The following IGSF10 variants were observed in gnomAD, a reference collection of about 807,000 sequenced individuals.
IGSF10 encodes the protein calvaria mechanical force protein 608.
IGSF10 carries 126 observed loss-of-function variants against 128.2 expected under a neutral mutation model. That is an observed-to-expected ratio of 0.98 (90% CI 0.85 to 1.14). The LOEUF (loss-of-function observed/expected upper bound fraction) is 1.14. IGSF10 is among the 50% of genes most tolerant of loss of function. The pLI is 0.00. For synonymous variants in IGSF10, 1,185 were observed against 1,146.2 expected (o/e 1.03, Z -0.68); for missense variants, 3,295 against 3,149.8 (o/e 1.05, Z -1.10).
the IGSF10 span, among the ~76,000 whole-genome samples, chr3:151,508,275 CAT>C: frequency 4.6e-5 from 7 of 151,858 alleles, no homozygotes; most frequent in African/African-American, 9.7e-5. Flanking sequence ...TTATGGAAAA[CAT>C]AAAATGAAAG....
chr3:151,580,294 A>G, the IGSF10 span, among the ~76,000 whole-genome samples: 85 of 152,294 alleles, frequency 5.6e-4, 3 homozygotes, highest in South Asian at 0.018. Flanking sequence ...AACAAAGAGA[A>G]TTTATTATCA....
At chr3:151,460,851 T>G in intron 1 of IGSF10, 95 bp downstream of exon 1, 1 of 733,590 alleles carries the variant, frequency 1.4e-6, no homozygotes, top group Non-Finnish European at 1.7e-6. Context: ...CAGCGCCCGC[T>G]TCTGCAGCCA....
At chr3:151,497,927 C>T in the IGSF10 span, among the ~76,000 whole-genome samples, 6 of 152,086 alleles carry the variant, frequency 3.9e-5, no homozygotes, top group African/African-American at 1.4e-4. Flanking sequence ...GTATTTTATT[C>T]CCTTTGAAGC....
chr3:151,604,839 G>GA, the IGSF10 span, among the ~76,000 whole-genome samples: 4 of 152,044 alleles, frequency 2.6e-5, no homozygotes, highest in Non-Finnish European at 4.4e-5. Flanking sequence ...ACTCCTAGCA[G>GA]AAAAACAGGA....
chr3:151,467,886 AAAAAAAG>A, the IGSF10 span, among the ~76,000 whole-genome samples: 57 of 151,958 alleles, frequency 3.8e-4, no homozygotes, highest in South Asian at 1.0e-3. Context: ...CATCTCAAAA[AAAAAAAG>A]AAAAAAGAAA....
chr3:151,497,385 T>G, the IGSF10 span, among the ~76,000 whole-genome samples: 1 of 152,216 alleles, frequency 6.6e-6, no homozygotes, highest in Non-Finnish European at 1.5e-5. Flanking sequence ...GTTTCAGCTT[T>G]CTCCATATGG....
chr3:151,515,953 C>A, the IGSF10 span, among the ~76,000 whole-genome samples: 3 of 151,894 alleles, frequency 2.0e-5, no homozygotes, highest in Admixed American at 6.6e-5. Context: ...TCCCATGCAA[C>A]AAGGCAAGAG....
intron 5 of IGSF10, 85 bp downstream of exon 5, chr3:151,453,299 C>G: frequency 9.6e-7 from 1 of 1,042,638 alleles, no homozygotes. Flanking sequence ...TCCTAAATTA[C>G]CCTGGGCTCT....
chr3:151,524,986 T>A, the IGSF10 span, among the ~76,000 whole-genome samples: 1 of 149,924 alleles, frequency 6.7e-6, no homozygotes, highest in South Asian at 2.2e-4. Context: ...GTAACAATTT[T>A]AAAAATGCAT....
At chr3:151,599,518 G>T in the IGSF10 span, among the ~76,000 whole-genome samples, 1 of 152,220 alleles carries the variant, frequency 6.6e-6, no homozygotes, top group South Asian at 2.1e-4. Flanking sequence ...GAAATCAGGG[G>T]TGGAAAATTA....
At chr3:151,594,650 A>G in the IGSF10 span, among the ~76,000 whole-genome samples, 1 of 148,108 alleles carries the variant, frequency 6.8e-6, no homozygotes, top group Admixed American at 6.7e-5. Context: ...ATCAACTCTT[A>G]GAATGTATGA....
At chr3:151,587,281 C>T in the IGSF10 span, among the ~76,000 whole-genome samples, 1 of 152,144 alleles carries the variant, frequency 6.6e-6, no homozygotes, top group South Asian at 2.1e-4. Context: ...TCTCCTAACA[C>T]AGAGAATTCA....
Position 151,447,679 on chromosome 3 carries a change from T to C in IGSF10, c.2302A>G (p.Met768Val), listed in dbSNP as rs376321994. Residue 768 changes from methionine to valine, a missense_variant, in exon 6 of 8, where the codon ATG (methionine) becomes GTG (valine). Coordinates refer to ENST00000282466, the MANE Select transcript of IGSF10 (RefSeq NM_178822.5). The part of the protein sequence containing the change: ...ALLEKAKKNA[M>V]PDKRENTTVS... ...GTGGTATTTTCTCGCTTGTCTGGCA[T>C]AGCATTCTTTTTAGCTTTCTCCAAC... 6.2e-7 allele frequency: 1 copy of C among 1,614,074 alleles called. No individual in the cohort carries two copies. The highest frequency in any genetic ancestry group is 8.5e-7 in the Non-Finnish European group (1 of 1,180,050).
At chr3:151,479,035 T>C in the IGSF10 span, among the ~76,000 whole-genome samples, 1 of 152,182 alleles carries the variant, frequency 6.6e-6, no homozygotes, top group Non-Finnish European at 1.5e-5. Flanking sequence ...AAGCCTTATT[T>C]TTCTGCTAAG....
rs751845547 is a variant in IGSF10, at chr3:151,448,228, CTG to C, written c.1751_1752del (p.Thr584SerfsTer5). The C allele has an allele frequency of 3.4e-5, 55 of 1,614,210 alleles. No individual in the cohort carries two copies. In the East Asian group the frequency reaches 1.1e-3, roughly 33 times the overall value. ...AGATCAAGTGTTTCACCAATGAAAA[CTG>C]TGTGATGAATCCCATTTTCCTGATA... The part of the protein sequence containing the change: ...EAYQENGIHH[T>X]VFIGETLDLP... On this transcript the variant is annotated frameshift_variant, in exon 6 of 8. Coordinates refer to ENST00000282466, the MANE Select transcript of IGSF10 (RefSeq NM_178822.5). LOFTEE classifies it high-confidence loss of function.
intron 7 of IGSF10, among the ~76,000 whole-genome samples, chr3:151,440,942 C>T (rs769017110): frequency 4.6e-5 from 7 of 152,178 alleles, no homozygotes; most frequent in Non-Finnish European, 8.8e-5. Flanking sequence ...CAATAGGTCT[C>T]GCCAAGGATG....
chr3:151,437,488 T>G lies in IGSF10; in HGVS notation c.7073A>C (p.Asn2358Thr), dbSNP rs1162252138. The G allele has an allele frequency of 2.5e-6, 4 of 1,614,184 alleles. No homozygotes were observed. Among genetic ancestry groups the G allele is most frequent in the East Asian group, 2.2e-5 (1 of 44,886 alleles). ...TGGTGGGTTACCATCAACAGAGCAA[T>G]TCAATGCTGTGGACTTTCCCAGCTG... ...VAQLGKSTALNCSVDGNPPPE... is the reference protein window; with the variant it reads ...VAQLGKSTALTCSVDGNPPPE... The change falls in exon 8 of 8, where the codon AAT becomes ACT. Residue 2358 changes from asparagine (N) to threonine (T), a missense_variant. Coordinates refer to ENST00000282466, the MANE Select transcript of IGSF10 (RefSeq NM_178822.5).
chr3:151,532,841 A>C, the IGSF10 span, among the ~76,000 whole-genome samples: 1 of 152,216 alleles, frequency 6.6e-6, no homozygotes, highest in Non-Finnish European at 1.5e-5. Context: ...GGCAAGAGGA[A>C]GAAATAAAGG....
At chr3:151,468,086 C>CA in the IGSF10 span, among the ~76,000 whole-genome samples, 2 of 152,162 alleles carry the variant, frequency 1.3e-5, no homozygotes, top group Non-Finnish European at 2.9e-5. Context: ...TAAAGTACGG[C>CA]AAGGAGTATT....
Sources: allele counts gnomAD v4.1 joint callset (sites outside exome capture counted in the v4.1 genomes callset), GRCh38; gene constraint gnomAD v4.1.1; transcripts MANE v1.5; gene names NCBI Gene and HGNC (gene_info 2026-07-23, HGNC 2026-07-21).